MTO1: variants seen among roughly 807,000 people sequenced by gnomAD.
MTO1 encodes the protein mitochondrial tRNA translation optimization 1.
MTO1 carries 46 observed loss-of-function variants against 71.6 expected under a neutral mutation model. The observed-to-expected ratio is 0.64, with a 90% CI of 0.51 to 0.82. The LOEUF is 0.82. Ranked by LOEUF, MTO1 falls within the 40% of genes least tolerant of loss-of-function variation. The pLI, the probability that MTO1 is intolerant of heterozygous loss-of-function variation, is 0.00. For synonymous variants in MTO1, 297 were observed against 312.1 expected (o/e 0.95, Z 0.51); for missense variants, 773 against 867.5 (o/e 0.89, Z 1.37).
At chr6:73,468,263 G>A (rs1454249136) in intron 3 of MTO1, among the ~76,000 whole-genome samples, 1 of 150,778 alleles carries the variant, frequency 6.6e-6, no homozygotes, top group Non-Finnish European at 1.5e-5. Flanking sequence ...GGTTACAGGC[G>A]ACTGCCACCA....
chr6:73,483,429 T>C (rs888044465), intron 9 of MTO1, among the ~76,000 whole-genome samples: 1 of 151,584 alleles, frequency 6.6e-6, no homozygotes, highest in African/African-American at 2.4e-5. Flanking sequence ...AAATCACATA[T>C]ATATATATAT....
intron 10 of MTO1, among the ~76,000 whole-genome samples, chr6:73,493,364 G>GTGTGTGTC (rs916590210): frequency 3.0e-4 from 45 of 149,880 alleles, no homozygotes; most frequent in Non-Finnish European, 1.0e-4. Context: ...ATGTGTGTGT[G>GTGTGTGTC]TGTGTGTGTG....
chr6:73,491,703 A>G lies in MTO1; in HGVS notation c.1638-531A>G, dbSNP rs542331182. On this transcript the variant is annotated intron_variant, in intron 9 of 11. Transcript: ENST00000498286. ...AAGGAAAGACAAATGGATTACAGCC[A>G]TGCCACCCTTACCAGCAACTTAATT... 2.0e-5 allele frequency among the ~76,000 whole-genome samples: 3 copies of G among 152,356 alleles called. No homozygotes were observed. In the East Asian group the frequency reaches 5.8e-4, roughly 29 times the overall value.
At chr6:73,496,628 C>A in intron 10 of MTO1, among the ~76,000 whole-genome samples, 1 of 133,102 alleles carries the variant, frequency 7.5e-6, no homozygotes, top group Non-Finnish European at 1.6e-5. Flanking sequence ...TATCCCTACC[C>A]CCTCCCCCCA....
chr6:73,489,169 A>G (rs1410695772), intron 9 of MTO1, among the ~76,000 whole-genome samples: 2 of 152,130 alleles, frequency 1.3e-5, no homozygotes, highest in African/African-American at 4.8e-5. Context: ...TTGGATATCC[A>G]GCTTTCTCAA....
chr6:73,497,975 A>C, intron 11 of MTO1, 79 bp downstream of exon 11: 2 of 1,244,230 alleles, frequency 1.6e-6, no homozygotes, highest in Non-Finnish European at 1.1e-6. Context: ...TGGGGTTATA[A>C]TGGCCATATA....
intron 1 of MTO1, among the ~76,000 whole-genome samples, chr6:73,465,381 C>G (rs765498934): frequency 1.3e-5 from 2 of 151,984 alleles, no homozygotes; most frequent in African/African-American, 4.8e-5. Flanking sequence ...CCAGGGTGGT[C>G]TCAAACTTCT....
rs1464068572 is a variant in MTO1 at position 73,500,951 on chromosome 6, G to C, written c.*216G>C. ...ATTTGTACTCTTTCTTTAAGGAGCT[G>C]TAATACAAATAACTTTGTGCAGTGT... On this transcript the variant is annotated 3_prime_UTR_variant, in exon 12 of 12. Coordinates refer to ENST00000498286, the MANE Select transcript of MTO1 (RefSeq NM_012123.4). The C allele has an allele frequency of 8.3e-6, 3 of 362,988 alleles. No homozygotes were observed. The highest frequency in any genetic ancestry group is 4.6e-5 in the Admixed American group (1 of 21,530). 22.5% of individuals were successfully genotyped at this position (362,988 alleles called of 1,614,324 possible). A position where few individuals can be genotyped will look rare whatever the true frequency, so the allele number is the denominator to read the frequency against.
At chr6:73,486,686 CGA>C (rs781655831) in intron 9 of MTO1, 64 of 367,214 alleles carry the variant, frequency 1.7e-4, no homozygotes, top group South Asian at 3.7e-4. Context: ...TGCAGTGAGC[CGA>C]GATCAAGCCA....
In MTO1 at chr6:73,500,719, A is replaced by AAG; in HGVS notation, c.2072_2073dup (p.Leu692SerfsTer11). The AAG allele has an allele frequency of 6.3e-7, 1 of 1,595,256 alleles. No individual in the cohort carries two copies. The highest frequency in any genetic ancestry group is 8.5e-7 in the Non-Finnish European group (1 of 1,171,858). On this transcript the variant is annotated frameshift_variant, in exon 12 of 12. Coordinates refer to ENST00000498286, the MANE Select transcript of MTO1 (RefSeq NM_012123.4). LOFTEE classifies it high-confidence loss of function. ...TACTTATGTGATGCAGACAGACTTC[A>AAG]AGAGAGAGAGTTATAGCTTTCAATT...
In MTO1 at chr6:73,480,109, C is replaced by T. The variant is rs1318798871; in HGVS notation, c.1112C>T (p.Ala371Val). The change falls in exon 6 of 12, where the codon GCT becomes GTT. Residue 371 changes from alanine to valine, a missense_variant. Transcript: ENST00000498286. ...MITCIRGLEKAKVIQPGYGVQ... is the reference protein window; with the variant it reads ...MITCIRGLEKVKVIQPGYGVQ... The stretch of plus-strand genomic sequence containing the variant: ...ACATGCATCAGAGGCTTGGAGAAAG[C>T]TAAAGTGATTCAGCCAGGTAAAGAA... The T allele has an allele frequency of 1.2e-6, 2 of 1,613,758 alleles. No individual in the cohort carries two copies. The highest frequency in any genetic ancestry group is 1.7e-6 in the Non-Finnish European group (2 of 1,179,952).
chr6:73,485,102 T>C (rs1222401253), intron 9 of MTO1, among the ~76,000 whole-genome samples: 1 of 151,550 alleles, frequency 6.6e-6, no homozygotes, highest in Non-Finnish European at 1.5e-5. Context: ...ATAACAAATA[T>C]CACACTAATT....
Position 73,461,750 on chromosome 6 carries a change from A to C in MTO1, c.-105A>C, listed in dbSNP as rs894556750. 10 of 1,250,450 alleles carry C rather than the reference A, an allele frequency of 8.0e-6. No individual in the cohort carries two copies. Among genetic ancestry groups the C allele is most frequent in the Non-Finnish European group, 1.1e-5 (10 of 888,156 alleles). 77.5% of individuals were successfully genotyped at this position (1,250,450 alleles called of 1,614,324 possible). A position where few individuals can be genotyped will look rare whatever the true frequency, so the allele number is the denominator to read the frequency against. On this transcript the variant is annotated 5_prime_UTR_variant, in exon 1 of 12. Coordinates refer to ENST00000498286, the MANE Select transcript of MTO1 (RefSeq NM_012123.4). ...CTGGACGTAGACGTCCTACCCCGTG[A>C]TATTAAAGCAAGATGGCCGCGCCCT...
At chr6:73,498,124 A>G (rs1236887500) in intron 11 of MTO1, among the ~76,000 whole-genome samples, 1 of 152,100 alleles carries the variant, frequency 6.6e-6, no homozygotes. Flanking sequence ...GAGGTGGCAG[A>G]TACCTGAGCC....
At chr6:73,462,182 C>T (rs753525168) in intron 1 of MTO1, 111 bp downstream of exon 1, 118 of 1,212,876 alleles carry the variant, frequency 9.7e-5, no homozygotes, top group Non-Finnish European at 1.3e-4. Context: ...TAGTGAGAAT[C>T]CTACCTTCTG....
chr6:73,475,766 C>T (rs1026071572), intron 4 of MTO1, among the ~76,000 whole-genome samples: 3 of 152,028 alleles, frequency 2.0e-5, no homozygotes, highest in Non-Finnish European at 4.4e-5. Flanking sequence ...CCCGCCTCGG[C>T]CTCCCAAAGT....
Position 73,481,894 on chromosome 6 carries a change from A to T in MTO1, c.1261-146A>T, listed in dbSNP as rs954316489. On this transcript the variant is annotated intron_variant, in intron 7 of 11. Coordinates refer to ENST00000498286, the MANE Select transcript of MTO1 (RefSeq NM_012123.4). ...ACCCATATTCTATTTCTGAATATGG[A>T]TCACATTTTCTACCTCTATTATATC... 7 of 747,486 alleles carry T rather than the reference A, an allele frequency of 9.4e-6. No individual in the cohort carries two copies. In the African/African-American group the frequency reaches 1.2e-4, roughly 13 times the overall value. 46.3% of individuals were successfully genotyped at this position (747,486 alleles called of 1,614,324 possible).
At chr6:73,480,363 G>A in intron 6 of MTO1, 1 of 670,516 alleles carries the variant, frequency 1.5e-6, no homozygotes, top group Non-Finnish European at 2.7e-6. Flanking sequence ...ACCTCCCCCT[G>A]CCAGGTTCGT....
chr6:73,491,964 T>G, intron 9 of MTO1: 1 of 260,820 alleles, frequency 3.8e-6, no homozygotes. Context: ...TAGCCGGGCA[T>G]GGTGGCGCAT....
Sources: gnomAD v4.1 joint callset for allele counts (sites outside exome capture counted in the v4.1 genomes callset) on GRCh38, gnomAD v4.1.1 for gene constraint, MANE v1.5 for transcripts, NCBI Gene and HGNC (gene_info 2026-07-23, HGNC 2026-07-21) for gene names.